The following MCRS1 variants were observed in gnomAD, a reference collection of about 807,000 sequenced individuals.
MCRS1 encodes the protein 58 kDa microspherule protein.
Under a neutral mutation model 62.9 loss-of-function variants are expected in MCRS1, and 22 were observed. The observed-to-expected ratio is 0.35, with a 90% CI of 0.25 to 0.50. MCRS1 has a LOEUF of 0.50. Among genes scored for constraint, MCRS1 ranks in the 20% least tolerant of loss-of-function variants. The pLI is 0.98. For missense variants in MCRS1, 456 were observed against 601.1 expected (o/e 0.76, Z 2.52); for synonymous variants, 244 against 233.5 (o/e 1.04, Z -0.41).
Position 49,568,122 on chromosome 12 carries a change from G to C in MCRS1, c.-185C>G, listed in dbSNP as rs1476710253. 2 of 152,368 alleles carry C rather than the reference G, an allele frequency of 1.3e-5. No homozygotes were observed. Among genetic ancestry groups the C allele is most frequent in the East Asian group, 3.9e-4 (2 of 5,192 alleles). The allele number at this position is 152,368 out of a possible 1,614,324, so 9.4% of individuals were successfully genotyped here. ...CCGCAGGGCCAAAGCCGGCTTCCGTGAGGTACGTCTACTTCCGGTTAACGA... is the reference window on the plus strand; with the variant it reads ...CCGCAGGGCCAAAGCCGGCTTCCGTCAGGTACGTCTACTTCCGGTTAACGA... On this transcript the variant is annotated 5_prime_UTR_variant, in exon 1 of 15. Transcript: ENST00000343810.
chr12:49,566,820 G>T lies in MCRS1; in HGVS notation c.-89C>A. ...TCATCCAAGGATTCTGACCAGGTGA[G>T]CTTAAAGGCTGAGAGGAGATTCTGC... On this transcript the variant is annotated 5_prime_UTR_variant, in exon 2 of 15. Coordinates refer to ENST00000343810, the MANE Select transcript of MCRS1 (RefSeq NM_006337.5). The T allele has an allele frequency of 6.5e-7, 1 of 1,534,816 alleles. No individual in the cohort carries two copies. Among genetic ancestry groups the T allele is most frequent in the Non-Finnish European group, 8.9e-7 (1 of 1,123,062 alleles).
chr12:49,563,520 A>G lies in MCRS1; in HGVS notation c.584T>C (p.Leu195Pro). 1.9e-6 allele frequency: 3 copies of G among 1,611,374 alleles called. No individual in the cohort carries two copies. Among genetic ancestry groups the G allele is most frequent in the Non-Finnish European group, 2.5e-6 (3 of 1,179,232 alleles). The change falls in exon 7 of 15, where the codon CTG becomes CCG. Residue 195 changes from leucine to proline, a missense_variant. By Grantham distance (98) the Leu-to-Pro change is moderately conservative. Around this residue, in one of 3 missense-constraint regions of MCRS1, gnomAD observed 393 missense variants for 523.5 expected, o/e 0.75. Transcript: ENST00000343810. ...GATGGCTGCAATAGCCTCTGGGTGC[A>G]GCTGCCTCATGGCCTGACAGGCCAA... is the stretch of plus-strand genomic sequence containing the variant. ...SKLACQAMRQLHPEAIAAIQS... is the reference protein window; with the variant it reads ...SKLACQAMRQPHPEAIAAIQS...
rs1938669914 is a variant in MCRS1 at position 49,559,916 on chromosome 12, C to T, written c.910+23G>A. The T allele has an allele frequency of 6.2e-7, 1 of 1,614,072 alleles. No homozygotes were observed. The highest frequency in any genetic ancestry group is 1.7e-5 in the Admixed American group (1 of 60,006). On this transcript the variant is annotated intron_variant, in intron 10 of 14. Transcript: ENST00000343810. The surrounding 1 kb of genome is among the most constrained non-coding windows in gnomAD (Gnocchi z 5.2). ...TCTGGCAGGAGCTTCCATCCCCTCA[C>T]CACCCCATGAGGCCATACTTACCAT...
chr12:49,560,182 G>C (rs1041037201), intron 9 of MCRS1, 113 bp downstream of exon 9: 5 of 1,285,244 alleles, frequency 3.9e-6, no homozygotes, highest in Admixed American at 1.7e-5. Context: ...CTCAGCCAGG[G>C]GGGGCCAAGC....
rs748398364 is a variant in MCRS1 at position 49,565,550 on chromosome 12, G to A, written c.267C>T (p.Pro89=). ...TCACCTTCTTCTTCTCACTGGAGGAGGGTTCACTCCCCGAACAGCGCCCTG... is the reference window on the plus strand; with the variant it reads ...TCACCTTCTTCTTCTCACTGGAGGAAGGTTCACTCCCCGAACAGCGCCCTG... The part of the protein sequence containing the change: ...VEPGRCSGSE[P]SSSEKKKVSK... Residue 89 remains proline (P), a synonymous_variant, in exon 4 of 15, where the codon CCC becomes CCT. Coordinates refer to ENST00000343810, the MANE Select transcript of MCRS1 (RefSeq NM_006337.5). 7 of 1,603,266 alleles carry A rather than the reference G, an allele frequency of 4.4e-6. No homozygotes were observed. The highest frequency in any genetic ancestry group is 8.5e-7 in the Non-Finnish European group (1 of 1,174,736).
chr12:49,560,442 C>A, intron 8 of MCRS1, 72 bp from the exon 9 acceptor site: 1 of 1,391,418 alleles, frequency 7.2e-7, no homozygotes, highest in Non-Finnish European at 1.0e-6. Context: ...ACCACTAAGC[C>A]AAGTGGACCA....
chr12:49,566,659 A>G, intron 2 of MCRS1, 63 bp downstream of exon 2: 1 of 1,610,426 alleles, frequency 6.2e-7, no homozygotes, highest in Non-Finnish European at 8.5e-7. Context: ...TGCCAGGCAC[A>G]GAGTGGAATC....
intron 2 of MCRS1, 132 bp downstream of exon 2, chr12:49,566,590 A>G (rs1592530838): frequency 4.7e-6 from 7 of 1,495,964 alleles, no homozygotes; most frequent in Non-Finnish European, 6.4e-6. Context: ...CGACAGGTAC[A>G]TGGGTGGTGC....
chr12:49,559,126 A>C lies in MCRS1; in HGVS notation c.1174+88T>G. 1 of 1,537,098 alleles carries C rather than the reference A, an allele frequency of 6.5e-7. No individual in the cohort carries two copies. The highest frequency in any genetic ancestry group is 8.9e-7 in the Non-Finnish European group (1 of 1,119,668). ...AGGTGGTCCACGAGGGTCCCCATGG[A>C]CACCAAGCCCAGGGCTAGAAAGGAC... On this transcript the variant is annotated intron_variant, in intron 13 of 14. Coordinates refer to ENST00000343810, the MANE Select transcript of MCRS1 (RefSeq NM_006337.5). The surrounding 1 kb of genome is among the most constrained non-coding windows in gnomAD (Gnocchi z 5.2).
chr12:49,560,167 G>A (rs1938686694), intron 9 of MCRS1, 128 bp downstream of exon 9: 2 of 1,214,570 alleles, frequency 1.6e-6, no homozygotes, highest in South Asian at 1.3e-5. Flanking sequence ...TGGGAGGGGA[G>A]GGGGCTCAGC....
intron 1 of MCRS1, 33 bp from the exon 2 acceptor site, chr12:49,566,874 A>G: frequency 2.6e-6 from 3 of 1,163,746 alleles, no homozygotes; most frequent in Non-Finnish European, 3.7e-6. Context: ...CCTGAGGCTC[A>G]GATTTCCAAC....
chr12:49,559,305 G>A lies in MCRS1; in HGVS notation c.1087-4C>T. 3.1e-6 allele frequency: 5 copies of A among 1,614,052 alleles called. No individual in the cohort carries two copies. The highest frequency in any genetic ancestry group is 4.2e-6 in the Non-Finnish European group (5 of 1,179,904). On this transcript the variant is annotated splice_polypyrimidine_tract_variant and splice_region_variant and intron_variant, in intron 12 of 14. Transcript: ENST00000343810. The surrounding 1 kb of genome is among the most constrained non-coding windows in gnomAD (Gnocchi z 5.2). ...TGGTTGCTCTGCCCAGGGTGATCTG[G>A]GGAAATGGGGCAGGTGAGGGCTGGG...
rs185353338 is a variant in MCRS1, at chr12:49,566,495, G to A, written c.10+227C>T. The A allele has an allele frequency of 3.4e-5, 52 of 1,539,694 alleles. No homozygotes were observed. In the African/African-American group the frequency reaches 6.6e-4, roughly 19 times the overall value. On this transcript the variant is annotated intron_variant, in intron 2 of 14. Transcript: ENST00000343810. ...TGGTGATGCCGACACGCTGGGCTCT[G>A]GGCATAACTGCTCCCTCTGCCATCA...
intron 1 of MCRS1, chr12:49,567,844 C>T (rs1939142106): frequency 6.6e-6 from 1 of 152,242 alleles, no homozygotes; most frequent in African/African-American, 2.4e-5. Flanking sequence ...CCATTCTCAC[C>T]CCACGGTCTC....
At chr12:49,564,958 A>G (rs1027663341) in intron 4 of MCRS1, 63 bp from the exon 5 acceptor site, 1 of 1,511,166 alleles carries the variant, frequency 6.6e-7, no homozygotes, top group African/African-American at 1.4e-5. Flanking sequence ...GCGCTTCATG[A>G]CTAGAGTTTC....
chr12:49,564,463 G>T lies in MCRS1; in HGVS notation c.557+18C>A. 1 of 1,599,880 alleles carries T rather than the reference G, an allele frequency of 6.3e-7. No homozygotes were observed. The highest frequency in any genetic ancestry group is 8.5e-7 in the Non-Finnish European group (1 of 1,169,702). ...GTGTCCCAGTACCTCCCCACTGCTG[G>T]AACCAGCTCCCACTCACTTGGAGAT... is the stretch of plus-strand genomic sequence containing the variant. On this transcript the variant is annotated intron_variant, in intron 6 of 14. Transcript: ENST00000343810.
At chr12:49,563,356 G>A in intron 7 of MCRS1, 82 bp downstream of exon 7, 1 of 1,418,426 alleles carries the variant, frequency 7.1e-7, no homozygotes, top group Non-Finnish European at 9.8e-7. Flanking sequence ...AGTGGGTGGG[G>A]AGCTCTCCAC....
intron 7 of MCRS1, 101 bp downstream of exon 7, chr12:49,563,321 CGTGTGCATGTGCACAT>C (rs1489725855): frequency 1.5e-6 from 2 of 1,314,062 alleles, no homozygotes; most frequent in Admixed American, 3.9e-5. Context: ...AATGTGCACA[CGTGTGCATGTGCACAT>C]ATCCAGACAG....
rs1938664946 is a variant in MCRS1 at position 49,559,857 on chromosome 12, G to A, written c.911-36C>T. The A allele has an allele frequency of 1.2e-6, 2 of 1,614,026 alleles. No homozygotes were observed. Among genetic ancestry groups the A allele is most frequent in the South Asian group, 2.2e-5 (2 of 91,084 alleles). ...GTGGGGTGGTAAGGAGGGATGCTCTGAGGCCACCAGCACCTTGTACTGGTC... is the reference window on the plus strand; with the variant it reads ...GTGGGGTGGTAAGGAGGGATGCTCTAAGGCCACCAGCACCTTGTACTGGTC... On this transcript the variant is annotated intron_variant, in intron 10 of 14. Transcript: ENST00000343810. The surrounding 1 kb of genome is among the most constrained non-coding windows in gnomAD (Gnocchi z 5.2).
Sources: allele counts gnomAD v4.1 joint callset, GRCh38; gene constraint gnomAD v4.1.1; regional missense constraint gnomAD v4.1.1; non-coding constraint Gnocchi (gnomAD v3.1); transcripts MANE v1.5; gene names NCBI Gene and HGNC (gene_info 2026-07-23, HGNC 2026-07-21).